The following ARHGAP24 variants were observed in gnomAD, a reference collection of about 807,000 sequenced individuals.
ARHGAP24 encodes the protein rho GTPase-activating protein 24.
In ARHGAP24, 50 loss-of-function variants were observed where a neutral mutation model predicts 76.4. The observed-to-expected ratio is 0.65, with a 90% CI of 0.52 to 0.83. The LOEUF is 0.83. Ranked by LOEUF, ARHGAP24 falls within the 40% of genes least tolerant of loss-of-function variation. ARHGAP24 has a pLI of 0.00. For missense variants in ARHGAP24, 930 were observed against 914.2 expected (o/e 1.02, Z -0.22); for synonymous variants, 345 against 323.3 (o/e 1.07, Z -0.72).
chr4:85,587,809 C>T (rs1295953446), intron 2 of ARHGAP24, among the ~76,000 whole-genome samples: 1 of 152,032 alleles, frequency 6.6e-6, no homozygotes, highest in Non-Finnish European at 1.5e-5. Flanking sequence ...TGATATATCC[C>T]AGGTATGCTT....
intron 2 of ARHGAP24, among the ~76,000 whole-genome samples, chr4:85,623,264 A>G (rs566414580): frequency 2.0e-5 from 3 of 152,138 alleles, no homozygotes; most frequent in Admixed American, 6.5e-5. Flanking sequence ...ATCTTGAATT[A>G]ATTTTTGTAT....
At chr4:85,865,711 TAAG>T (rs937419628) in intron 3 of ARHGAP24, among the ~76,000 whole-genome samples, 146 of 151,622 alleles carry the variant, frequency 9.6e-4, no homozygotes, top group African/African-American at 1.8e-3. Flanking sequence ...CTGTATAAAA[TAAG>T]AAGAATTATT....
At chr4:85,952,396 C>T (rs937781236) in intron 5 of ARHGAP24, among the ~76,000 whole-genome samples, 2 of 152,216 alleles carry the variant, frequency 1.3e-5, no homozygotes, top group Admixed American at 6.5e-5. Context: ...TATCTGTCCT[C>T]AGCTGAAGAG....
At chr4:85,784,266 TA>T (rs1183321264) in intron 3 of ARHGAP24, among the ~76,000 whole-genome samples, 1 of 152,026 alleles carries the variant, frequency 6.6e-6, no homozygotes, top group Non-Finnish European at 1.5e-5. Context: ...TGTAGAGATC[TA>T]GTGCATAGCC....
At chr4:85,935,645 C>G (rs1736589190) in intron 4 of ARHGAP24, among the ~76,000 whole-genome samples, 1 of 152,190 alleles carries the variant, frequency 6.6e-6, no homozygotes, top group African/African-American at 2.4e-5. Flanking sequence ...TGACCTCAGA[C>G]AGGTCACCTG....
At chr4:85,564,001 A>G (rs1047702920) in intron 1 of ARHGAP24, among the ~76,000 whole-genome samples, 1 of 152,286 alleles carries the variant, frequency 6.6e-6, no homozygotes, top group Non-Finnish European at 1.5e-5. Flanking sequence ...AAATAAATCT[A>G]TCACTCCACT....
chr4:85,855,772 G>A (rs199892008), intron 3 of ARHGAP24, among the ~76,000 whole-genome samples: 325 of 140,542 alleles, frequency 2.3e-3, no homozygotes, highest in Middle Eastern at 3.7e-3. Context: ...AAGCAAAAAA[G>A]AAAAAAAAAA....
At chr4:85,596,009 G>GT (rs1719822074) in intron 2 of ARHGAP24, among the ~76,000 whole-genome samples, 2 of 151,892 alleles carry the variant, frequency 1.3e-5, no homozygotes, top group South Asian at 4.1e-4. Context: ...TAGGATGCAT[G>GT]TAGATACGTT....
intron 1 of ARHGAP24, among the ~76,000 whole-genome samples, chr4:85,477,845 C>A (rs1431622880): frequency 3.3e-5 from 5 of 152,190 alleles, no homozygotes; most frequent in Admixed American, 1.3e-4. Context: ...TCAGGCCGTG[C>A]GTTTGTTTCC....
At chr4:85,918,320 G>A (rs1403725812) in intron 3 of ARHGAP24, among the ~76,000 whole-genome samples, 1 of 151,682 alleles carries the variant, frequency 6.6e-6, no homozygotes, top group Non-Finnish European at 1.5e-5. Context: ...TCATGTTTTA[G>A]TGACTGCATC....
chr4:85,570,074 A>G (rs1256262902), intron 1 of ARHGAP24, among the ~76,000 whole-genome samples: 1 of 152,208 alleles, frequency 6.6e-6, no homozygotes, highest in South Asian at 2.1e-4. Context: ...CATTACCTCT[A>G]GAACTTACTT....
intron 2 of ARHGAP24, among the ~76,000 whole-genome samples, chr4:85,615,997 A>G (rs868014234): frequency 1.3e-5 from 2 of 152,182 alleles, no homozygotes; most frequent in Non-Finnish European, 2.9e-5. Flanking sequence ...TTGTTTGTGT[A>G]TTTATATTTC....
intron 3 of ARHGAP24, among the ~76,000 whole-genome samples, chr4:85,754,878 A>G (rs1003597828): frequency 6.6e-6 from 1 of 152,204 alleles, no homozygotes; most frequent in South Asian, 2.1e-4. Context: ...TCCTCTGTTT[A>G]CAAGTTTATA....
At chr4:85,609,064 G>A (rs994404751) in intron 2 of ARHGAP24, among the ~76,000 whole-genome samples, 1 of 151,948 alleles carries the variant, frequency 6.6e-6, no homozygotes, top group Non-Finnish European at 1.5e-5. Flanking sequence ...GCAAAGGATG[G>A]TTGTGATGAT....
intron 1 of ARHGAP24, among the ~76,000 whole-genome samples, chr4:85,485,204 T>G (rs1364924953): frequency 6.7e-6 from 1 of 149,628 alleles, no homozygotes; most frequent in Non-Finnish European, 1.5e-5. Context: ...AAAAATTAGC[T>G]GGGCTTGGTG....
At chr4:85,963,511 A>G (rs755703717) in intron 5 of ARHGAP24, among the ~76,000 whole-genome samples, 12 of 152,082 alleles carry the variant, frequency 7.9e-5, no homozygotes, top group Non-Finnish European at 1.8e-4. Context: ...TTCTGATGTA[A>G]TTATTGCTTT....
chr4:85,974,193 A>G (rs1161785521), intron 6 of ARHGAP24, among the ~76,000 whole-genome samples: 3 of 152,044 alleles, frequency 2.0e-5, no homozygotes, highest in East Asian at 3.9e-4. Flanking sequence ...GTTTTATTCC[A>G]TTTGTTAAAT....
intron 1 of ARHGAP24, among the ~76,000 whole-genome samples, chr4:85,514,817 TAAAAAAAA>T (rs773699457): frequency 1.2e-3 from 95 of 82,494 alleles, no homozygotes; most frequent in Non-Finnish European, 1.4e-3. Context: ...CTCTAAATTG[TAAAAAAAA>T]AAAAAAAAAA....
At chr4:85,744,996 A>T (rs1203713656) in intron 3 of ARHGAP24, among the ~76,000 whole-genome samples, 1 of 152,142 alleles carries the variant, frequency 6.6e-6, no homozygotes, top group African/African-American at 2.4e-5. Flanking sequence ...TCTTTAATCC[A>T]GTCTCAATGC....
Sources: allele counts gnomAD v4.1 joint callset (sites outside exome capture counted in the v4.1 genomes callset), GRCh38; gene constraint gnomAD v4.1.1; transcripts MANE v1.5; gene names NCBI Gene and HGNC (gene_info 2026-07-23, HGNC 2026-07-21).